Variants in LINGO2 observed in about 807,000 individuals in gnomAD.
LINGO2 encodes the protein leucine rich repeat and Ig domain containing 2.
A neutral mutation model predicts 30.6 loss-of-function variants in LINGO2; 14 were observed. That is an observed-to-expected ratio of 0.46 (90% CI 0.30 to 0.72). LINGO2 has a LOEUF of 0.72. LINGO2 is among the 30% of genes least tolerant of loss of function. The pLI, the probability that LINGO2 is intolerant of heterozygous loss-of-function variation, is 0.07. For synonymous variants in LINGO2, 317 were observed against 288.5 expected, an observed-to-expected ratio of 1.10 and a Z score of -1.00; for missense variants, 729 against 751.7, an observed-to-expected ratio of 0.97 and a Z score of 0.35.
At chr9:28,674,398 T>C (rs1829141234), upstream of LINGO2, among the ~76,000 whole-genome samples, 1 of 152,188 alleles carries the variant, frequency 6.6e-6, no homozygotes, top group South Asian at 2.1e-4. Flanking sequence ...CTTTCAGTGC[T>C]ACTTGAAGTT....
At chr9:28,544,131 A>C (rs920460580) in intron 1 of LINGO2, among the ~76,000 whole-genome samples, 3 of 151,952 alleles carry the variant, frequency 2.0e-5, no homozygotes, top group South Asian at 2.1e-4. Flanking sequence ...TGAACCCGGA[A>C]GGCAGAGGTT....
At chr9:28,678,630 C>T in the LINGO2 span, among the ~76,000 whole-genome samples, 1 of 152,162 alleles carries the variant, frequency 6.6e-6, no homozygotes, top group East Asian at 1.9e-4. Flanking sequence ...TATCATTTAC[C>T]TAAAGGGATG....
chr9:28,128,058 G>T lies in LINGO2; in HGVS notation c.-86-115653C>A, dbSNP rs144476437. On this transcript the variant is annotated intron_variant, in intron 4 of 5. Transcript: ENST00000379992. ...CTCCACATGTGGAATCTGTTAGTTA[G>T]GTACCTGTTCTGGAAAGCTCTGGTT... is the stretch of plus-strand genomic sequence containing the variant. 4.8e-3 allele frequency among the ~76,000 whole-genome samples: 733 copies of T among 152,296 alleles called. 10 individuals are homozygous for T. The highest frequency in any genetic ancestry group is 0.017 in the African/African-American group (692 of 41,562).
chr9:28,267,196 C>A (rs902669806), intron 4 of LINGO2, among the ~76,000 whole-genome samples: 1 of 151,962 alleles, frequency 6.6e-6, no homozygotes, highest in Non-Finnish European at 1.5e-5. Context: ...TACTCCAGAA[C>A]AATGTCTCTC....
chr9:28,493,166 T>C (rs1826466805), intron 1 of LINGO2, among the ~76,000 whole-genome samples: 2 of 152,282 alleles, frequency 1.3e-5, no homozygotes, highest in African/African-American at 4.8e-5. Context: ...TTTCCTGACA[T>C]AGGAAATGAC....
intron 3 of LINGO2, among the ~76,000 whole-genome samples, chr9:28,347,755 G>A (rs1447152360): frequency 6.6e-6 from 1 of 152,102 alleles, no homozygotes; most frequent in Non-Finnish European, 1.5e-5. Context: ...TTTATTAAAG[G>A]TGTGCAGTAA....
chr9:28,171,362 G>A (rs909575344), intron 4 of LINGO2, among the ~76,000 whole-genome samples: 1 of 152,128 alleles, frequency 6.6e-6, no homozygotes, highest in Admixed American at 6.5e-5. Flanking sequence ...TAATGTCCTT[G>A]TCCTGGCAAC....
chr9:28,802,272 T>G, the LINGO2 span, among the ~76,000 whole-genome samples: 1 of 152,048 alleles, frequency 6.6e-6, no homozygotes, highest in Non-Finnish European at 1.5e-5. Context: ...TATAGTTGGA[T>G]TTCTATAATT....
At chr9:28,093,210 A>G (rs1035853968) in intron 4 of LINGO2, among the ~76,000 whole-genome samples, 4 of 152,108 alleles carry the variant, frequency 2.6e-5, no homozygotes, top group Non-Finnish European at 5.9e-5. Flanking sequence ...GAAATGTAAG[A>G]AGCAATTTAT....
In LINGO2 at chr9:28,437,549, G is replaced by GCA. The variant is rs58406750; in HGVS notation, c.-279+38389_-279+38390dup. On this transcript the variant is annotated intron_variant, in intron 2 of 5. Coordinates refer to ENST00000379992, the Ensembl canonical transcript of LINGO2. ...CACACAGACACATATACACACAGAC[G>GCA]CACACACACACACACACACACACAC... is the stretch of plus-strand genomic sequence containing the variant. Among the ~76,000 whole-genome samples the GCA allele has an allele frequency of 8.9e-3, 1,316 of 147,664 alleles. 7 individuals carry two copies. The highest frequency in any genetic ancestry group is 0.02 in the African/African-American group (798 of 40,052).
intron 4 of LINGO2, among the ~76,000 whole-genome samples, chr9:28,212,728 C>T (rs550593070): frequency 1.3e-5 from 2 of 151,210 alleles, no homozygotes; most frequent in African/African-American, 4.8e-5. Context: ...AAAAATCAAA[C>T]CCTCAGTCAC....
intron 4 of LINGO2, among the ~76,000 whole-genome samples, chr9:28,235,404 T>C (rs1165791938): frequency 6.6e-6 from 1 of 152,120 alleles, no homozygotes; most frequent in Non-Finnish European, 1.5e-5. Context: ...AAGACTATAG[T>C]AAATACCTAA....
intron 4 of LINGO2, among the ~76,000 whole-genome samples, chr9:28,179,268 T>C (rs1828832811): frequency 1.1e-5 from 1 of 90,928 alleles, no homozygotes; most frequent in Admixed American, 1.1e-4. Context: ...AGATACTATA[T>C]ATAAAAATAC....
At chr9:27,980,376 C>T (rs565134614) in intron 5 of LINGO2, among the ~76,000 whole-genome samples, 1 of 151,876 alleles carries the variant, frequency 6.6e-6, no homozygotes, top group African/African-American at 2.4e-5. Context: ...GAAAAACTTT[C>T]CAGAAAAACA....
intron 1 of LINGO2, among the ~76,000 whole-genome samples, chr9:28,639,318 T>C (rs1261746626): frequency 6.6e-6 from 1 of 152,214 alleles, no homozygotes; most frequent in African/African-American, 2.4e-5. Flanking sequence ...TGGAGAGTTC[T>C]GTAGATGTCT....
chr9:28,741,673 C>T, the LINGO2 span, among the ~76,000 whole-genome samples: 2 of 151,864 alleles, frequency 1.3e-5, no homozygotes, highest in African/African-American at 4.8e-5. Flanking sequence ...TATAGGATCC[C>T]ACTTGGTACT....
chr9:29,124,361 T>C, the LINGO2 span, among the ~76,000 whole-genome samples: 1 of 152,270 alleles, frequency 6.6e-6, no homozygotes, highest in East Asian at 1.9e-4. Context: ...GGCAAAGACT[T>C]CATGACTGAA....
At chr9:28,742,711 A>G in the LINGO2 span, among the ~76,000 whole-genome samples, 216 of 152,030 alleles carry the variant, frequency 1.4e-3, 1 homozygote, top group Non-Finnish European at 2.2e-3. Flanking sequence ...AGATATTTAT[A>G]TGTTAGTTAC....
At chr9:28,438,946 A>G (rs1055892280) in intron 2 of LINGO2, among the ~76,000 whole-genome samples, 3 of 146,724 alleles carry the variant, frequency 2.0e-5, no homozygotes, top group Non-Finnish European at 4.5e-5. Context: ...TATATAATGA[A>G]ATATAGATAA....
Sources: allele counts gnomAD v4.1 joint callset (sites outside exome capture counted in the v4.1 genomes callset), GRCh38; gene constraint gnomAD v4.1.1; transcripts MANE v1.5; gene names NCBI Gene and HGNC (gene_info 2026-07-23, HGNC 2026-07-21).